Variants in KYAT3 observed in about 807,000 individuals in gnomAD.
KYAT3 encodes kynurenine--oxoglutarate transaminase 3.
Under a neutral mutation model 59.0 loss-of-function variants are expected in KYAT3, and 50 were observed. The ratio of observed to expected loss-of-function variants is 0.85; its 90% CI spans 0.68 to 1.07. KYAT3 has a LOEUF of 1.07. Among genes scored for constraint, KYAT3 ranks in the 50% least tolerant of loss-of-function variants. The probability of loss-of-function intolerance (pLI) is 0.00; values close to 1 mark genes in which losing one functional copy is unlikely to be tolerated. For missense variants in KYAT3, 497 were observed against 533.3 expected (o/e 0.93, Z 0.67); for synonymous variants, 148 against 177.0 (o/e 0.84, Z 1.30).
intron 2 of KYAT3, chr1:88,982,957 G>A (rs1485479244): frequency 6.2e-7 from 1 of 1,613,746 alleles, no homozygotes; most frequent in Admixed American, 1.7e-5. Context: ...CACTACGTGA[G>A]TTACCATAAC....
the KYAT3 span, among the ~76,000 whole-genome samples, chr1:88,924,328 C>T: frequency 2.0e-5 from 3 of 152,226 alleles, no homozygotes; most frequent in Admixed American, 1.3e-4. Flanking sequence ...TAGGTCCCTC[C>T]CCTGGCAGTC....
In KYAT3 at chr1:88,949,109, C is replaced by A; in HGVS notation, c.1123G>T (p.Ala375Ser). Residue 375 changes from alanine (A) to serine (S), a missense_variant, in exon 11 of 14, where the codon GCT becomes TCT. Ala to Ser is a moderately conservative substitution (Grantham distance 99). Around this residue, in one of 2 missense-constraint regions of KYAT3, gnomAD observed 469 missense variants for 479.1 expected, o/e 0.98. Coordinates refer to ENST00000260508, the MANE Select transcript of KYAT3 (RefSeq NM_001008661.3). ...IVPDGGYFII[A>S]DVSLLDPDLS... ...TACAAACCTAGCAAAGACACATCAG[C>A]GATGATGAAGTATCCTCCATCAGGA... is the stretch of plus-strand genomic sequence containing the variant. 4 of 1,591,002 alleles carry A rather than the reference C, an allele frequency of 2.5e-6. No individual in the cohort carries two copies. Among genetic ancestry groups the A allele is most frequent in the Non-Finnish European group, 3.4e-6 (4 of 1,172,306 alleles).
intron 13 of KYAT3, among the ~76,000 whole-genome samples, chr1:88,937,757 A>T (rs1270653231): frequency 6.6e-6 from 1 of 152,212 alleles, no homozygotes; most frequent in Non-Finnish European, 1.5e-5. Context: ...ATAGAGTATC[A>T]TCACTTCTGT....
chr1:88,936,171 ATTCTGCACAAATCAAGACT>A lies in KYAT3; in HGVS notation c.1358_*11del. 1 of 1,592,880 alleles carries A rather than the reference ATTCTGCACAAATCAAGACT, an allele frequency of 6.3e-7. No homozygotes were observed. Among genetic ancestry groups the A allele is most frequent in the Non-Finnish European group, 8.6e-7 (1 of 1,162,392 alleles). ...GGTCATCTAACAGAAACATTAATCC[ATTCTGCACAAATCAAGACT>A]TCTGTACACTCCATGCCTTGATGAT... On this transcript the variant is annotated stop_retained_variant and 3_prime_UTR_variant, in exon 14 of 14. Coordinates refer to ENST00000260508, the MANE Select transcript of KYAT3 (RefSeq NM_001008661.3).
chr1:88,988,374 A>G, intron 1 of KYAT3, 23 bp from the exon 2 acceptor site: 1 of 1,446,604 alleles, frequency 6.9e-7, no homozygotes. Flanking sequence ...AGAAAAATTG[A>G]GAAGAGGAAT....
At chr1:88,944,069 C>T (rs1459995350) in intron 11 of KYAT3, among the ~76,000 whole-genome samples, 1 of 152,096 alleles carries the variant, frequency 6.6e-6, no homozygotes, top group East Asian at 1.9e-4. Flanking sequence ...CAAATATATA[C>T]TCCTGTTTGC....
At chr1:88,964,782 A>G (rs768462435) in intron 5 of KYAT3, 47 bp downstream of exon 5, 1 of 1,385,830 alleles carries the variant, frequency 7.2e-7, no homozygotes, top group South Asian at 1.3e-5. Flanking sequence ...GGTGGGACAA[A>G]TGATAATTGA....
chr1:88,948,885 C>T (rs529798212), intron 11 of KYAT3, among the ~76,000 whole-genome samples: 57 of 152,298 alleles, frequency 3.7e-4, no homozygotes, highest in South Asian at 2.7e-3. Flanking sequence ...ACAACACTGA[C>T]TCCATAACCA....
chr1:88,973,696 G>C (rs1339667136), intron 2 of KYAT3, among the ~76,000 whole-genome samples: 1 of 152,062 alleles, frequency 6.6e-6, no homozygotes, highest in East Asian at 1.9e-4. Flanking sequence ...CTAATTTCTA[G>C]AACAATGAAG....
intron 1 of KYAT3, 139 bp downstream of exon 1, chr1:88,992,446 T>A (rs530815094): frequency 1.0e-4 from 16 of 152,848 alleles, no homozygotes; most frequent in African/African-American, 3.4e-4. Flanking sequence ...GCCGACTCCC[T>A]GCAGCCACCC....
the KYAT3 span, among the ~76,000 whole-genome samples, chr1:88,922,837 T>C: frequency 6.6e-6 from 1 of 152,206 alleles, no homozygotes; most frequent in African/African-American, 2.4e-5. Context: ...CCTAATCCCA[T>C]TGGCCACAGT....
At chr1:88,966,686 T>C (rs1676363173) in intron 4 of KYAT3, among the ~76,000 whole-genome samples, 1 of 152,124 alleles carries the variant, frequency 6.6e-6, no homozygotes, top group African/African-American at 2.4e-5. Flanking sequence ...GTTTACATTT[T>C]TCTTCTTTCT....
chr1:88,926,748 C>G, the KYAT3 span, among the ~76,000 whole-genome samples: 2 of 152,204 alleles, frequency 1.3e-5, no homozygotes, highest in Non-Finnish European at 2.9e-5. Context: ...AACGTGGGAG[C>G]TGTTTGCACT....
chr1:88,959,402 C>A (rs967681897), intron 8 of KYAT3, among the ~76,000 whole-genome samples: 1 of 151,768 alleles, frequency 6.6e-6, no homozygotes, highest in African/African-American at 2.4e-5. Context: ...CACGGTGAAA[C>A]CCCATCTCTA....
chr1:88,961,068 C>A, intron 8 of KYAT3, 99 bp downstream of exon 8: 1 of 1,217,528 alleles, frequency 8.2e-7, no homozygotes, highest in African/African-American at 1.5e-5. Context: ...ATACCCATTA[C>A]AAAGACTGTT....
intron 2 of KYAT3, chr1:88,981,043 A>G (rs1677062321): frequency 6.6e-6 from 1 of 152,246 alleles, no homozygotes; most frequent in African/African-American, 2.4e-5. Flanking sequence ...TTCCTTTGAG[A>G]ACATTACACT....
At chr1:88,956,401 T>A (rs10801697) in intron 8 of KYAT3, among the ~76,000 whole-genome samples, 68,970 of 152,086 alleles carry the variant, frequency 0.45, 15,916 homozygotes, top group Admixed American at 0.5. Flanking sequence ...TTTCAAGTTG[T>A]TTAACATCTT....
chr1:88,979,043 G>A (rs1187953562), intron 2 of KYAT3, among the ~76,000 whole-genome samples: 1 of 152,118 alleles, frequency 6.6e-6, no homozygotes, highest in East Asian at 1.9e-4. Context: ...TAGAAGCTCC[G>A]AAGCTATAGT....
chr1:88,988,729 T>C (rs1333575571), intron 1 of KYAT3, among the ~76,000 whole-genome samples: 1 of 152,182 alleles, frequency 6.6e-6, no homozygotes, highest in East Asian at 1.9e-4. Context: ...AATTTCAGAA[T>C]CCTCTGGATA....
Sources: allele counts gnomAD v4.1 joint callset (sites outside exome capture counted in the v4.1 genomes callset), GRCh38; gene constraint gnomAD v4.1.1; regional missense constraint gnomAD v4.1.1; transcripts MANE v1.5; gene names NCBI Gene and HGNC (gene_info 2026-07-23, HGNC 2026-07-21).